The following ATP10D variants were observed in gnomAD, a reference collection of about 807,000 sequenced individuals.
ATP10D encodes phospholipid-transporting ATPase VD.
In ATP10D, 89 loss-of-function variants were observed where a neutral mutation model predicts 144.8. The observed-to-expected ratio is 0.61, with a 90% CI of 0.52 to 0.73. The LOEUF (loss-of-function observed/expected upper bound fraction) is 0.73. Among genes scored for constraint, ATP10D ranks in the 30% least tolerant of loss-of-function variants. The pLI is 0.00. For synonymous variants in ATP10D, 571 were observed against 615.1 expected (o/e 0.93, Z 1.06); for missense variants, 1,603 against 1,714.8 (o/e 0.93, Z 1.15).
In ATP10D at chr4:47,515,561, C is replaced by G. The variant is rs1211078299; in HGVS notation, c.376C>G (p.Pro126Ala). 2 of 1,612,968 alleles carry G rather than the reference C, an allele frequency of 1.2e-6. No homozygotes were observed. Among genetic ancestry groups the G allele is most frequent in the South Asian group, 2.2e-5 (2 of 91,040 alleles). Residue 126 changes from proline to alanine, a missense_variant, in exon 3 of 23, where the codon CCT becomes GCT. Pro to Ala is a conservative substitution (Grantham distance 27). Coordinates refer to ENST00000273859, the MANE Select transcript of ATP10D (RefSeq NM_020453.4). The stretch of plus-strand genomic sequence containing the variant: ...CTTCCAAAAGGAAATCACCATGTTG[C>G]CTCTGGTGGTGGTCCTTACAATTAT... ...EAFQKEITMLPLVVVLTIIAI... is the reference protein window; with the variant it reads ...EAFQKEITMLALVVVLTIIAI...
At chr4:47,575,112 C>T (rs187143289) in intron 18 of ATP10D, among the ~76,000 whole-genome samples, 21 of 152,176 alleles carry the variant, frequency 1.4e-4, no homozygotes, top group Admixed American at 2.6e-4. Flanking sequence ...CCACTGCATC[C>T]GGCCGATGAT....
In ATP10D at chr4:47,515,662, T is replaced by C. The variant is rs956122430; in HGVS notation, c.477T>C (p.Val159=). The change falls in exon 3 of 23, where the codon GTT becomes GTC. Residue 159 remains valine, a synonymous_variant. Coordinates refer to ENST00000273859, the MANE Select transcript of ATP10D (RefSeq NM_020453.4). ...DKQINNLITK[V]YSRKEKKYID... Reference sequence around the variant, plus strand: ...AGATCAATAATTTAATAACTAAAGTTTATAGTAGGTAAGTGTAATGGGACC... The same window carrying C: ...AGATCAATAATTTAATAACTAAAGTCTATAGTAGGTAAGTGTAATGGGACC... The C allele has an allele frequency of 3.1e-6, 5 of 1,592,548 alleles. No homozygotes were observed. Among genetic ancestry groups the C allele is most frequent in the African/African-American group, 2.7e-5 (2 of 74,348 alleles).
chr4:47,548,105 A>G (rs1162630818), intron 10 of ATP10D, among the ~76,000 whole-genome samples: 2 of 152,116 alleles, frequency 1.3e-5, no homozygotes, highest in African/African-American at 2.4e-5. Context: ...TCCACCTGAA[A>G]GTAAGAACAT....
At chr4:47,570,153 A>C (rs535487133) in intron 16 of ATP10D, among the ~76,000 whole-genome samples, 2 of 152,308 alleles carry the variant, frequency 1.3e-5, no homozygotes, top group East Asian at 1.9e-4. Flanking sequence ...ATAATTCAGC[A>C]AGAGATGATG....
At chr4:47,534,398 A>G (rs528429538) in intron 5 of ATP10D, among the ~76,000 whole-genome samples, 1 of 152,300 alleles carries the variant, frequency 6.6e-6, no homozygotes, top group Non-Finnish European at 1.5e-5. Context: ...ATACATACAT[A>G]CACACACAAA....
intron 9 of ATP10D, among the ~76,000 whole-genome samples, chr4:47,544,423 A>G (rs1718310762): frequency 6.6e-6 from 1 of 152,232 alleles, no homozygotes; most frequent in Non-Finnish European, 1.5e-5. Context: ...TATTTCAAGC[A>G]AAGGCATAGA....
At chr4:47,524,582 A>G (rs1318843148) in intron 4 of ATP10D, among the ~76,000 whole-genome samples, 1 of 152,244 alleles carries the variant, frequency 6.6e-6, no homozygotes, top group Non-Finnish European at 1.5e-5. Flanking sequence ...CCAGTCTAAT[A>G]CTAATCAGCA....
chr4:47,512,529 C>T lies in ATP10D; in HGVS notation c.-12C>T. On this transcript the variant is annotated 5_prime_UTR_variant, in exon 2 of 23. Transcript: ENST00000273859. ...GTCAGCTACACAACCTGGATCTTAC[C>T]ACAGTTTGGATATGACTGAGGCTCT... 6.3e-7 allele frequency: 1 copy of T among 1,598,776 alleles called. No homozygotes were observed. The highest frequency in any genetic ancestry group is 8.5e-7 in the Non-Finnish European group (1 of 1,169,778).
At chr4:47,531,328 T>C (rs1717557461) in intron 5 of ATP10D, among the ~76,000 whole-genome samples, 1 of 152,136 alleles carries the variant, frequency 6.6e-6, no homozygotes, top group African/African-American at 2.4e-5. Flanking sequence ...TGGAATTAAA[T>C]CTTCAAGAAT....
intron 1 of ATP10D, among the ~76,000 whole-genome samples, chr4:47,495,786 G>T: frequency 6.7e-6 from 1 of 148,798 alleles, no homozygotes; most frequent in Non-Finnish European, 1.5e-5. Flanking sequence ...TGCTCAGGCT[G>T]GAGTGCAATG....
At chr4:47,560,638 G>T (rs1232107089) in intron 13 of ATP10D, among the ~76,000 whole-genome samples, 3 of 152,182 alleles carry the variant, frequency 2.0e-5, no homozygotes, top group Non-Finnish European at 4.4e-5. Flanking sequence ...CTGTCAATTG[G>T]AGACCACTCC....
At chr4:47,575,851 T>C (rs1720200308) in intron 18 of ATP10D, among the ~76,000 whole-genome samples, 1 of 152,106 alleles carries the variant, frequency 6.6e-6, no homozygotes, top group Non-Finnish European at 1.5e-5. Flanking sequence ...GTGCGGGTTT[T>C]CTTCTGGATT....
chr4:47,570,298 G>A (rs975745483), intron 16 of ATP10D, among the ~76,000 whole-genome samples: 4 of 152,116 alleles, frequency 2.6e-5, no homozygotes, highest in Admixed American at 1.3e-4. Context: ...GTTGTCATAG[G>A]GAACGCCAAA....
chr4:47,554,986 T>C (rs911044441), intron 11 of ATP10D, 72 bp downstream of exon 11: 10 of 1,257,632 alleles, frequency 8.0e-6, no homozygotes, highest in Non-Finnish European at 1.0e-5. Context: ...GTATCTGTAC[T>C]GAGCTTGATA....
chr4:47,545,559 G>A (rs1014340968), intron 9 of ATP10D, among the ~76,000 whole-genome samples: 2 of 151,654 alleles, frequency 1.3e-5, no homozygotes, highest in African/African-American at 4.8e-5. Flanking sequence ...TTTTTTGGAT[G>A]TATGGAGGAC....
In ATP10D at chr4:47,569,225, T is replaced by C. The variant is rs1307177707; in HGVS notation, c.3163+79T>C. 2.7e-6 allele frequency: 4 copies of C among 1,464,084 alleles called. No homozygotes were observed. The African/African-American group carries it at 5.6e-5, about 20-fold the overall frequency. The allele number at this position is 1,464,084 out of a possible 1,614,324, so 90.7% of individuals were successfully genotyped here. A position where few individuals can be genotyped will look rare whatever the true frequency, so the allele number is the denominator to read the frequency against. ...CACCGATCCTTCTGTCTCTTTCTTC[T>C]CCCACTGTTCCTTCCATTTTCCTCC... On this transcript the variant is annotated intron_variant, in intron 16 of 22. Transcript: ENST00000273859.
chr4:47,568,786 TCTGACAC>T lies in ATP10D; in HGVS notation c.2854-49_2854-43del, dbSNP rs1719776600. 2.0e-6 allele frequency: 3 copies of T among 1,504,940 alleles called. No homozygotes were observed. The South Asian group carries it at 3.8e-5, about 19-fold the overall frequency. 93.2% of individuals were successfully genotyped at this position (1,504,940 alleles called of 1,614,324 possible). On this transcript the variant is annotated intron_variant, in intron 15 of 22. Coordinates refer to ENST00000273859, the MANE Select transcript of ATP10D (RefSeq NM_020453.4). ...AATGACAATAAAAAATGTAACTGGT[TCTGACAC>T]CAAGGGCGCCTGGAGGCTAACCACC...
chr4:47,560,474 C>T (rs1361822779), intron 13 of ATP10D, among the ~76,000 whole-genome samples: 1 of 152,110 alleles, frequency 6.6e-6, no homozygotes, highest in East Asian at 1.9e-4. Context: ...TGGGCCAGAG[C>T]GAGACTCTGT....
rs527932257 is a variant in ATP10D at position 47,577,757 on chromosome 4, A to G, written c.3567+784A>G. On this transcript the variant is annotated intron_variant, in intron 19 of 22. Coordinates refer to ENST00000273859, the MANE Select transcript of ATP10D (RefSeq NM_020453.4). ...AGAAATCACAGATTCAGCTTTCAGG[A>G]AAGAAGGGGTCCTTATAATCCTCTA... Among the ~76,000 whole-genome samples, 5 of 152,312 alleles carry G rather than the reference A, an allele frequency of 3.3e-5. 1 individual carries two copies. In the South Asian group the frequency reaches 6.2e-4, roughly 19 times the overall value.
Sources: allele counts gnomAD v4.1 joint callset (sites outside exome capture counted in the v4.1 genomes callset), GRCh38; gene constraint gnomAD v4.1.1; transcripts MANE v1.5; gene names NCBI Gene and HGNC (gene_info 2026-07-23, HGNC 2026-07-21).